Variants in OR2I1 observed in about 807,000 individuals in gnomAD.
OR2I1 encodes the protein olfactory receptor family 2 subfamily I member 1 (gene/pseudogene).
chr6:29,556,467 C>A, the OR2I1 span: 1 of 670,066 alleles, frequency 1.5e-6, no homozygotes, highest in South Asian at 2.0e-5. Context: ...AGCTCCTATT[C>A]AGTAGCCAGT....
the OR2I1 span, chr6:29,553,544 C>A: frequency 2.5e-6 from 1 of 398,454 alleles, no homozygotes; most frequent in Non-Finnish European, 4.4e-6. Flanking sequence ...CTGGGTTCCG[C>A]CGAATGCGTC....
the OR2I1 span, chr6:29,553,458 G>C: frequency 2.5e-6 from 1 of 398,686 alleles, no homozygotes; most frequent in Admixed American, 4.4e-5. Flanking sequence ...TGCCGCCGCT[G>C]CTGGCCAACC....
chr6:29,554,144 G>A, the OR2I1 span: 1 of 399,246 alleles, frequency 2.5e-6, no homozygotes, highest in Non-Finnish European at 4.4e-6. Flanking sequence ...CGGAGTCTGG[G>A]GAGAGGCCAG....
At chr6:29,556,610 A>G in the OR2I1 span, 3 of 490,054 alleles carry the variant, frequency 6.1e-6, no homozygotes, top group South Asian at 7.9e-5. Context: ...TGAGCCCCCA[A>G]CCAACTGAAC....
the OR2I1 span, chr6:29,557,650 A>T: frequency 6.6e-6 from 1 of 152,174 alleles, no homozygotes; most frequent in African/African-American, 2.4e-5. Context: ...TTCCTGTGTC[A>T]CCTTTCCTCC....
the OR2I1 span, chr6:29,554,832 C>T: frequency 6.6e-6 from 1 of 151,684 alleles, no homozygotes; most frequent in African/African-American, 2.4e-5. Context: ...AGTAGTGAGT[C>T]ATGAGAGAGA....
chr6:29,553,463 C>G, the OR2I1 span: 49 of 398,830 alleles, frequency 1.2e-4, 1 homozygote, highest in African/African-American at 8.8e-4. Context: ...CCGCTGCTGG[C>G]CAACCTGCGC....
chr6:29,551,382 C>A, the OR2I1 span, among the ~76,000 whole-genome samples: 216 of 152,188 alleles, frequency 1.4e-3, 1 homozygote, highest in African/African-American at 3.6e-3. Context: ...GGAAGGACCT[C>A]GAAGTTAGTC....
the OR2I1 span, chr6:29,553,251 T>C: frequency 2.5e-6 from 1 of 398,876 alleles, no homozygotes. Context: ...AGGAGCGCTT[T>C]CTCCTGCTGG....
chr6:29,557,492 G>A, the OR2I1 span: 1 of 152,198 alleles, frequency 6.6e-6, no homozygotes, highest in African/African-American at 2.4e-5. Flanking sequence ...GCAATTAAAT[G>A]TTAAGTCTCC....
the OR2I1 span, chr6:29,556,091 C>T: frequency 6.2e-7 from 1 of 1,613,092 alleles, no homozygotes; most frequent in South Asian, 1.1e-5. Flanking sequence ...TGCCTCATCA[C>T]CTGACTCCAC....
the OR2I1 span, chr6:29,553,953 G>T: frequency 2.5e-6 from 1 of 398,846 alleles, no homozygotes; most frequent in Non-Finnish European, 4.4e-6. Flanking sequence ...GGTCCCACCT[G>T]ACAGCCGTCT....
the OR2I1 span, chr6:29,553,128 C>G: frequency 2.5e-6 from 1 of 397,802 alleles, no homozygotes; most frequent in African/African-American, 2.1e-5. Context: ...TTCTCCCAGC[C>G]CAGCCCCACA....
the OR2I1 span, chr6:29,556,007 C>T: frequency 1.2e-6 from 2 of 1,613,084 alleles, no homozygotes; most frequent in East Asian, 4.5e-5. Context: ...AGGGATTATA[C>T]CCGTCTTAGT....
At chr6:29,555,662 A>G in the OR2I1 span, 259 of 566,426 alleles carry the variant, frequency 4.6e-4, no homozygotes, top group African/African-American at 4.3e-3. Flanking sequence ...TAGTCTCAGT[A>G]ATACATTAGT....
At chr6:29,553,937 C>A in the OR2I1 span, 110 of 398,816 alleles carry the variant, frequency 2.8e-4, no homozygotes, top group Non-Finnish European at 2.3e-4. Context: ...GCGGTGGGCA[C>A]GTGTGGGTCC....
At chr6:29,556,455 C>A in the OR2I1 span, 2 of 775,410 alleles carry the variant, frequency 2.6e-6, no homozygotes, top group South Asian at 3.6e-5. Flanking sequence ...ATCTGGTCCT[C>A]TAGCTCCTAT....
chr6:29,556,664 C>G, the OR2I1 span: 3 of 346,230 alleles, frequency 8.7e-6, no homozygotes, highest in Non-Finnish European at 1.6e-5. Context: ...ACTTTAAAAA[C>G]TTAGTCATTG....
the OR2I1 span, chr6:29,553,590 A>G: frequency 7.5e-6 from 3 of 398,310 alleles, no homozygotes; most frequent in East Asian, 3.6e-5. Flanking sequence ...GCGCGGCCGC[A>G]GTGTGCCGCC....
Sources: gnomAD v4.1 joint callset for allele counts (sites outside exome capture counted in the v4.1 genomes callset) on GRCh38, gnomAD v4.1.1 for gene constraint, MANE v1.5 for transcripts, NCBI Gene and HGNC (gene_info 2026-07-23, HGNC 2026-07-21) for gene names.